Variants in MARCO observed in about 807,000 individuals in gnomAD.
MARCO encodes the protein macrophage receptor with collagenous structure.
In MARCO, 72 loss-of-function variants were observed where a neutral mutation model predicts 70.0. That is an observed-to-expected ratio of 1.03 (90% confidence interval 0.85 to 1.25). MARCO has a LOEUF of 1.25. Among genes scored for constraint, MARCO ranks in the 50% most tolerant of loss-of-function variants. MARCO has a pLI of 0.00. For synonymous variants in MARCO, 273 were observed against 243.1 expected, an observed-to-expected ratio of 1.12 and a Z score of -1.14; for missense variants, 696 against 659.3, an observed-to-expected ratio of 1.06 and a Z score of -0.61.
At chr2:118,978,408 G>A (rs989648693) in intron 8 of MARCO, among the ~76,000 whole-genome samples, 2 of 152,216 alleles carry the variant, frequency 1.3e-5, no homozygotes, top group South Asian at 2.1e-4. Context: ...GGGAGGGCTC[G>A]AGGGTCTGTT....
At chr2:118,944,115 T>C (rs987326511) in intron 1 of MARCO, among the ~76,000 whole-genome samples, 4 of 152,142 alleles carry the variant, frequency 2.6e-5, no homozygotes, top group African/African-American at 9.7e-5. Flanking sequence ...ATTTCTGACC[T>C]GGGTTGTGTG....
intron 1 of MARCO, among the ~76,000 whole-genome samples, chr2:118,946,763 C>A (rs1679609216): frequency 6.6e-6 from 1 of 152,174 alleles, no homozygotes; most frequent in Non-Finnish European, 1.5e-5. Context: ...GTGACTATAC[C>A]ATTTTACATT....
rs576909407 is a variant in MARCO at position 118,945,123 on chromosome 2, TC to T, written c.97+2729del. 2.2e-3 allele frequency among the ~76,000 whole-genome samples: 332 copies of T among 152,212 alleles called. 1 individual carries two copies. Among genetic ancestry groups the T allele is most frequent in the African/African-American group, 7.7e-3 (319 of 41,542 alleles). On this transcript the variant is annotated intron_variant, in intron 1 of 16. Transcript: ENST00000327097. Reference sequence around the variant, plus strand: ...CTGTGGCCCTCAGGGTCTCACAGAATCCCAGGTCTCTCCTCAGAGCCATAGA... The same window carrying T: ...CTGTGGCCCTCAGGGTCTCACAGAATCCAGGTCTCTCCTCAGAGCCATAGA...
rs755623747 is a variant in MARCO, at chr2:118,994,508, G to T, written c.1551G>T (p.Glu517Asp). 6.6e-5 allele frequency: 105 copies of T among 1,596,764 alleles called. No homozygotes were observed. Among genetic ancestry groups the T allele is most frequent in the South Asian group, 4.3e-4 (38 of 88,500 alleles). The change falls in exon 17 of 17, where the codon GAG (glutamate) becomes GAT (aspartate). Residue 517 changes from glutamate (E) to aspartate (D), a missense_variant. Transcript: ENST00000327097. ...GCCACGAGGAGGACGCAGGCGTGGA[G>T]TGCAGCGTCTGACCCGGAAACCCTT... ...DCSHEEDAGV[E>D]CSV
chr2:118,945,223 C>T (rs1023286521), intron 1 of MARCO, among the ~76,000 whole-genome samples: 21 of 152,120 alleles, frequency 1.4e-4, no homozygotes, highest in African/African-American at 4.1e-4. Context: ...TACCTGTTGG[C>T]AATATCTTTC....
chr2:118,960,659 T>C (rs1208986817), intron 1 of MARCO, among the ~76,000 whole-genome samples: 13 of 151,744 alleles, frequency 8.6e-5, no homozygotes, highest in Admixed American at 7.2e-4. Flanking sequence ...AATCCCACTT[T>C]GTTGTGGCAT....
intron 12 of MARCO, among the ~76,000 whole-genome samples, chr2:118,986,792 A>G (rs1042447595): frequency 6.6e-6 from 1 of 151,846 alleles, no homozygotes; most frequent in Non-Finnish European, 1.5e-5. Flanking sequence ...GTGAGAGAAA[A>G]GAAAAGAAAG....
intron 1 of MARCO, chr2:118,952,868 A>C (rs1679750904): frequency 6.6e-6 from 1 of 152,214 alleles, no homozygotes; most frequent in Non-Finnish European, 1.5e-5. Context: ...TGTTAGAAAT[A>C]CATCATTGGT....
intron 14 of MARCO, among the ~76,000 whole-genome samples, chr2:118,992,099 G>A (rs1573412388): frequency 2.6e-5 from 4 of 152,314 alleles, no homozygotes; most frequent in East Asian, 1.9e-4. Context: ...AGGCAGGGGC[G>A]TGAACATGCA....
intron 1 of MARCO, among the ~76,000 whole-genome samples, chr2:118,956,127 T>C (rs1679832502): frequency 6.6e-6 from 1 of 152,078 alleles, no homozygotes; most frequent in Non-Finnish European, 1.5e-5. Flanking sequence ...ATGAATGCAA[T>C]GGTACCTCAC....
At chr2:118,992,548 G>A in intron 15 of MARCO, 72 bp downstream of exon 15, 1 of 1,303,098 alleles carries the variant, frequency 7.7e-7, no homozygotes, top group African/African-American at 1.5e-5. Flanking sequence ...GTGTGTGTTG[G>A]GGGAAGAGAC....
intron 12 of MARCO, among the ~76,000 whole-genome samples, chr2:118,986,827 G>A (rs1356076764): frequency 2.6e-5 from 4 of 152,126 alleles, no homozygotes; most frequent in Non-Finnish European, 1.5e-5. Context: ...TTTTCTTAAT[G>A]TATTGGAGAT....
At chr2:118,950,506 C>T (rs1027654598) in intron 1 of MARCO, among the ~76,000 whole-genome samples, 8 of 152,152 alleles carry the variant, frequency 5.3e-5, no homozygotes, top group African/African-American at 1.2e-4. Flanking sequence ...CTTATGCCTC[C>T]TTATAATCCT....
chr2:118,994,409 T>C lies in MARCO; in HGVS notation c.1452T>C (p.Asp484=), dbSNP rs1558675730. ...VGAGTGQIWL[D]NVQCRGTEST... The stretch of plus-strand genomic sequence containing the variant: ...AAGGCACTGGGCAGATCTGGCTGGA[T>C]AATGTTCAGTGTCGGGGCACGGAGA... The change falls in exon 17 of 17, where the codon GAT becomes GAC. Residue 484 remains aspartate, a synonymous_variant. Coordinates refer to ENST00000327097, the MANE Select transcript of MARCO (RefSeq NM_006770.4). The C allele has an allele frequency of 1.9e-6, 3 of 1,614,180 alleles. No individual in the cohort carries two copies. Among genetic ancestry groups the C allele is most frequent in the Non-Finnish European group, 2.5e-6 (3 of 1,180,030 alleles).
chr2:118,975,747 C>T (rs2104587148), intron 6 of MARCO, among the ~76,000 whole-genome samples: 1 of 152,268 alleles, frequency 6.6e-6, no homozygotes, highest in South Asian at 2.1e-4. Context: ...CTCACATACA[C>T]ACATATACTC....
Position 118,986,225 on chromosome 2 carries a change from A to G in MARCO, c.1063+3815A>G, listed in dbSNP as rs139218656. 5.9e-3 allele frequency among the ~76,000 whole-genome samples: 892 copies of G among 152,210 alleles called. 11 individuals carry two copies. The highest frequency in any genetic ancestry group is 7.9e-3 in the Non-Finnish European group (538 of 68,024). On this transcript the variant is annotated intron_variant, in intron 12 of 16. Transcript: ENST00000327097. ...CTTATCCTTCATCTCACTTCTTACC[A>G]CAAGGTCGATTTGTCAGTTATTAGC... is the stretch of plus-strand genomic sequence containing the variant.
chr2:118,987,332 C>T (rs374266805), intron 12 of MARCO, among the ~76,000 whole-genome samples: 19 of 152,292 alleles, frequency 1.2e-4, no homozygotes, highest in African/African-American at 4.1e-4. Context: ...AGGAGCTGAT[C>T]CTATCAGGAT....
chr2:118,980,728 A>T (rs921966756), intron 8 of MARCO, among the ~76,000 whole-genome samples: 1 of 152,136 alleles, frequency 6.6e-6, no homozygotes, highest in African/African-American at 2.4e-5. Context: ...GCCTACCAGT[A>T]GTACCCTGCA....
chr2:118,976,074 G>A lies in MARCO; in HGVS notation c.614-1397G>A, dbSNP rs545183144. On this transcript the variant is annotated intron_variant, in intron 6 of 16. Coordinates refer to ENST00000327097, the MANE Select transcript of MARCO (RefSeq NM_006770.4). ...TGGAGCCACTGAGGCTGGCTTGAAG[G>A]GAAAAGCCAGAAGCCTGAGGAGCAC... is the stretch of plus-strand genomic sequence containing the variant. Among the ~76,000 whole-genome samples the A allele has an allele frequency of 3.9e-5, 6 of 152,166 alleles. No individual in the cohort carries two copies. The South Asian group carries it at 1.2e-3, about 32-fold the overall frequency.
Sources: gnomAD v4.1 joint callset for allele counts (sites outside exome capture counted in the v4.1 genomes callset) on GRCh38, gnomAD v4.1.1 for gene constraint, MANE v1.5 for transcripts, NCBI Gene and HGNC (gene_info 2026-07-23, HGNC 2026-07-21) for gene names.